Variants in MALRD1 observed in about 807,000 individuals in gnomAD.
The protein encoded by MALRD1 is MAM and LDL-receptor class A domain-containing protein 1.
MALRD1 carries 247 observed loss-of-function variants against 242.1 expected under a neutral mutation model. The observed-to-expected ratio is 1.02, with a 90% CI of 0.92 to 1.13. MALRD1 has a LOEUF of 1.13. Among genes scored for constraint, MALRD1 ranks in the 50% most tolerant of loss-of-function variants. MALRD1 has a pLI of 0.00. For missense variants in MALRD1, 2,989 were observed against 2,533.1 expected (o/e 1.18, Z -3.86); for synonymous variants, 995 against 866.6 (o/e 1.15, Z -2.60).
chr10:19,645,965 C>T (rs879422437), intron 36 of MALRD1, among the ~76,000 whole-genome samples: 5 of 152,086 alleles, frequency 3.3e-5, no homozygotes, highest in Non-Finnish European at 7.4e-5. Context: ...TGTTTTCCTA[C>T]GAAAACAAAT....
intron 32 of MALRD1, among the ~76,000 whole-genome samples, chr10:19,541,687 C>T (rs1171747528): frequency 1.7e-4 from 26 of 152,044 alleles, no homozygotes; most frequent in Non-Finnish European, 8.8e-5. Flanking sequence ...TAGGATCCTG[C>T]GACAAGGTAC....
intron 29 of MALRD1, chr10:19,491,134 C>T (rs1031988125): frequency 4.8e-5 from 19 of 397,136 alleles, no homozygotes; most frequent in African/African-American, 1.9e-4. Context: ...AGGAGCATTA[C>T]GAGCAGCACA....
intron 25 of MALRD1, among the ~76,000 whole-genome samples, chr10:19,351,804 C>T (rs1194008444): frequency 6.6e-6 from 1 of 152,132 alleles, no homozygotes; most frequent in Non-Finnish European, 1.5e-5. Flanking sequence ...CCTCTGCTGT[C>T]TCCCATACAT....
At chr10:19,386,386 G>A (rs1186406624) in intron 26 of MALRD1, among the ~76,000 whole-genome samples, 2 of 147,480 alleles carry the variant, frequency 1.4e-5, no homozygotes, top group South Asian at 2.1e-4. Context: ...GATGTTATCA[G>A]CTCCTCTACC....
intron 18 of MALRD1, among the ~76,000 whole-genome samples, chr10:19,249,084 T>A (rs1283743978): frequency 6.7e-6 from 1 of 150,094 alleles, no homozygotes; most frequent in Non-Finnish European, 1.5e-5. Context: ...TATATGCACA[T>A]ACACATATAT....
chr10:19,661,731 A>G (rs1259778089), intron 36 of MALRD1, among the ~76,000 whole-genome samples: 2 of 152,188 alleles, frequency 1.3e-5, no homozygotes, highest in Non-Finnish European at 2.9e-5. Context: ...ACCTGTATAC[A>G]TATGTAACAA....
At position 19,336,943 on chromosome 10, in the gene MALRD1, T is replaced by G. The variant is rs147967201; in HGVS notation, c.3901+5361T>G. ...GCAGTTGTTATATGGCAAGCAATTT[T>G]TGAGACACCTAGTATATATCATTAA... On this transcript the variant is annotated intron_variant, in intron 24 of 39. Coordinates refer to ENST00000454679, the MANE Select transcript of MALRD1 (RefSeq NM_001142308.3). 2.2e-4 allele frequency among the ~76,000 whole-genome samples: 34 copies of G among 152,224 alleles called. No homozygotes were observed. In the East Asian group the frequency reaches 4.8e-3, roughly 22 times the overall value.
At chr10:19,552,382 ATGGT>A (rs1835518149) in intron 32 of MALRD1, among the ~76,000 whole-genome samples, 1 of 152,042 alleles carries the variant, frequency 6.6e-6, no homozygotes, top group African/African-American at 2.4e-5. Context: ...ATATTCTCTG[ATGGT>A]TGTTTGTATT....
At chr10:19,058,885 T>C (rs187129501) in intron 1 of MALRD1, among the ~76,000 whole-genome samples, 10 of 152,256 alleles carry the variant, frequency 6.6e-5, no homozygotes, top group Admixed American at 1.3e-4. Context: ...CATAAGAAGA[T>C]GGATACTATT....
intron 38 of MALRD1, among the ~76,000 whole-genome samples, chr10:19,706,326 T>A (rs1285655549): frequency 2.6e-5 from 4 of 152,186 alleles, no homozygotes; most frequent in African/African-American, 9.7e-5. Context: ...ATTTATTTTA[T>A]TTTATTTGAG....
chr10:19,180,154 G>A lies in MALRD1; in HGVS notation c.1951+4826G>A, dbSNP rs188536418. ...ACCAAGGTGGTTTTGAGTCAAGACA[G>A]TGGAGGAACACAGACATTTTCCAGA... On this transcript the variant is annotated intron_variant, in intron 14 of 39. Transcript: ENST00000454679. Among the ~76,000 whole-genome samples, 146 of 152,328 alleles carry A rather than the reference G, an allele frequency of 9.6e-4. 1 individual carries two copies. Among genetic ancestry groups the A allele is most frequent in the Admixed American group, 2.2e-3 (33 of 15,300 alleles).
intron 28 of MALRD1, among the ~76,000 whole-genome samples, chr10:19,440,124 T>C (rs555991747): frequency 1.3e-5 from 2 of 152,312 alleles, no homozygotes; most frequent in East Asian, 3.9e-4. Flanking sequence ...TTGTCTCCTG[T>C]AAATTGTTTA....
chr10:19,454,440 G>T lies in MALRD1; in HGVS notation c.5029+3950G>T, dbSNP rs548084631. On this transcript the variant is annotated intron_variant, in intron 29 of 39. Coordinates refer to ENST00000454679, the MANE Select transcript of MALRD1 (RefSeq NM_001142308.3). Reference sequence around the variant, plus strand: ...TATATATATATATATATAATTATATGATACATACATATAAATTATATATAT... The same window carrying T: ...TATATATATATATATATAATTATATTATACATACATATAAATTATATATAT... Among the ~76,000 whole-genome samples the T allele has an allele frequency of 4.2e-3, 292 of 68,842 alleles. 7 individuals carry two copies. The highest frequency in any genetic ancestry group is 0.014 in the African/African-American group (238 of 17,204). The allele number at this position is 68,842 out of a possible 152,430, so 45.2% of individuals were successfully genotyped here.
intron 33 of MALRD1, among the ~76,000 whole-genome samples, chr10:19,585,379 G>T (rs1211073529): frequency 1.3e-5 from 2 of 152,014 alleles, no homozygotes; most frequent in East Asian, 1.9e-4. Flanking sequence ...GTTCCTTTCT[G>T]TGTTTAGCGC....
At position 19,729,877 on chromosome 10, in the gene MALRD1, CA is replaced by C. The variant is rs1835213018; in HGVS notation, c.6315-828del. 2.0e-5 allele frequency among the ~76,000 whole-genome samples: 3 copies of C among 151,452 alleles called. No individual in the cohort carries two copies. The South Asian group carries it at 6.3e-4, about 32-fold the overall frequency. On this transcript the variant is annotated intron_variant, in intron 38 of 39. Coordinates refer to ENST00000454679, the MANE Select transcript of MALRD1 (RefSeq NM_001142308.3). ...TCAGCCTCCCAAGTAGCTGGGACTA[CA>C]GGCGCCCGCCACCACGCCCGGCTAA...
chr10:19,689,950 C>G (rs977752087), intron 36 of MALRD1, among the ~76,000 whole-genome samples: 2 of 152,142 alleles, frequency 1.3e-5, no homozygotes, highest in East Asian at 1.9e-4. Context: ...GTAATCTCTA[C>G]TCCCATTTGA....
intron 33 of MALRD1, among the ~76,000 whole-genome samples, chr10:19,589,090 G>A (rs561155019): frequency 1.3e-5 from 2 of 151,966 alleles, no homozygotes; most frequent in Non-Finnish European, 2.9e-5. Context: ...AAAGGGATTT[G>A]GAGAAATTAA....
intron 36 of MALRD1, among the ~76,000 whole-genome samples, chr10:19,659,620 C>T (rs529177403): frequency 7.9e-5 from 12 of 152,234 alleles, no homozygotes; most frequent in African/African-American, 1.4e-4. Flanking sequence ...CTTAGAATAA[C>T]GCATTGTCTG....
At chr10:19,598,101 T>C (rs569301196) in intron 34 of MALRD1, 6 of 152,230 alleles carry the variant, frequency 3.9e-5, no homozygotes, top group African/African-American at 1.4e-4. Flanking sequence ...ATGGGATGGA[T>C]TGGAGTGAGG....
Sources: gnomAD v4.1 joint callset for allele counts (sites outside exome capture counted in the v4.1 genomes callset) on GRCh38, gnomAD v4.1.1 for gene constraint, MANE v1.5 for transcripts, NCBI Gene and HGNC (gene_info 2026-07-23, HGNC 2026-07-21) for gene names.